DCT: variants seen among roughly 807,000 people sequenced by gnomAD.
The protein encoded by DCT is dopachrome tautomerase, also known as L-dopachrome tautomerase.
Under a neutral mutation model 53.0 loss-of-function variants are expected in DCT, and 47 were observed. That is an observed-to-expected ratio of 0.89 (90% CI 0.70 to 1.13). The LOEUF is 1.13. Among genes scored for constraint, DCT ranks in the 50% most tolerant of loss-of-function variants. DCT has a pLI of 0.00. For synonymous variants in DCT, 244 were observed against 237.0 expected (o/e 1.03, Z -0.27); for missense variants, 669 against 637.4 (o/e 1.05, Z -0.53).
At chr13:94,495,185 CT>C in the DCT span, among the ~76,000 whole-genome samples, 6,332 of 152,286 alleles carry the variant, frequency 0.042, 167 homozygotes, top group South Asian at 0.1. Context: ...CAACCTCTGC[CT>C]GCCAGGCTCA....
chr13:94,470,458 T>C (rs1027915126), intron 1 of DCT, among the ~76,000 whole-genome samples: 11 of 152,252 alleles, frequency 7.2e-5, no homozygotes, highest in Non-Finnish European at 1.3e-4. Context: ...TTCCAACTTA[T>C]TGCCTTTGGG....
At chr13:94,495,614 AAAG>A in the DCT span, among the ~76,000 whole-genome samples, 2 of 152,238 alleles carry the variant, frequency 1.3e-5, no homozygotes, top group African/African-American at 4.8e-5. Flanking sequence ...TTCAAAGAGA[AAAG>A]AAGAATATAA....
chr13:94,457,985 A>C (rs998061772), intron 6 of DCT, among the ~76,000 whole-genome samples: 1 of 152,164 alleles, frequency 6.6e-6, no homozygotes. Flanking sequence ...AGACAAGGCC[A>C]CTCTGTGACC....
chr13:94,516,460 A>T, the DCT span, among the ~76,000 whole-genome samples: 4 of 152,150 alleles, frequency 2.6e-5, no homozygotes, highest in Non-Finnish European at 5.9e-5. Context: ...CTCATTTGCA[A>T]TGGGGGAAAA....
chr13:94,523,144 C>G, the DCT span, among the ~76,000 whole-genome samples: 1 of 152,224 alleles, frequency 6.6e-6, no homozygotes, highest in African/African-American at 2.4e-5. Context: ...GCAAATCAAC[C>G]ATTCCTTTGT....
At chr13:94,485,783 C>G in the DCT span, among the ~76,000 whole-genome samples, 1 of 152,026 alleles carries the variant, frequency 6.6e-6, no homozygotes, top group African/African-American at 2.4e-5. Context: ...ATTATTTAGC[C>G]AAGAGAATTG....
At chr13:94,461,379 TA>T (rs1211362670) in intron 5 of DCT, among the ~76,000 whole-genome samples, 2 of 152,160 alleles carry the variant, frequency 1.3e-5, no homozygotes, top group Admixed American at 6.6e-5. Context: ...GCTACTTTTT[TA>T]TATTTTTTTG....
At chr13:94,484,611 G>A (rs1389106433), upstream of DCT, among the ~76,000 whole-genome samples, 3 of 152,284 alleles carry the variant, frequency 2.0e-5, no homozygotes, top group East Asian at 1.9e-4. Flanking sequence ...GGTTGGATTC[G>A]TCTGTCAAGG....
the DCT span, among the ~76,000 whole-genome samples, chr13:94,504,358 GTTGT>G: frequency 5.3e-5 from 8 of 152,062 alleles, no homozygotes; most frequent in Non-Finnish European, 1.0e-4. Context: ...TAGTTTTTTT[GTTGT>G]TTGTTTGTTT....
the DCT span, among the ~76,000 whole-genome samples, chr13:94,500,594 C>A: frequency 6.6e-6 from 1 of 152,326 alleles, no homozygotes; most frequent in East Asian, 1.9e-4. Context: ...TGAGATCATG[C>A]AGATTTTGTC....
At chr13:94,442,650 T>C (rs1882410661) in intron 7 of DCT, among the ~76,000 whole-genome samples, 2 of 152,170 alleles carry the variant, frequency 1.3e-5, no homozygotes, top group African/African-American at 4.8e-5. Context: ...TAATAAGAAA[T>C]CTACAATCTT....
chr13:94,501,982 T>C, the DCT span, among the ~76,000 whole-genome samples: 1,684 of 150,080 alleles, frequency 0.011, 38 homozygotes, highest in African/African-American at 0.038. Flanking sequence ...CCTCAGCCCC[T>C]ACTTCTGAGG....
At position 94,462,183 on chromosome 13, in the gene DCT, A is replaced by T. The variant is rs1432191971; in HGVS notation, c.870T>A (p.Asp290Glu). 6.2e-7 allele frequency: 1 copy of T among 1,611,108 alleles called. No individual in the cohort carries two copies. The highest frequency in any genetic ancestry group is 8.5e-7 in the Non-Finnish European group (1 of 1,177,456). ...ACAAGGTGACCAGGTGGTTGTAGTC[A>T]TCCAAGCTAAGATTTGTAATAAGAT... ...SSWETVCDSL[D>E]DYNHLVTLCN... Residue 290 changes from aspartate to glutamate, a missense_variant, in exon 5 of 8, where the codon GAT becomes GAA. Coordinates refer to ENST00000377028, the MANE Select transcript of DCT (RefSeq NM_001922.5).
At chr13:94,516,767 T>A in the DCT span, among the ~76,000 whole-genome samples, 5 of 151,970 alleles carry the variant, frequency 3.3e-5, no homozygotes, top group East Asian at 9.7e-4. Context: ...GCCTCTGCAG[T>A]GAGTTCCCAC....
rs962683811 is a variant in DCT at position 94,475,256 on chromosome 13, C to T, written c.295+3705G>A. On this transcript the variant is annotated intron_variant, in intron 1 of 7. Coordinates refer to ENST00000377028, the MANE Select transcript of DCT (RefSeq NM_001922.5). ...AGCTCAGTCACTAAGGACTTAGTCT[C>T]GTGCCCTGAGATTCAAAGAAAAAGA... Among the ~76,000 whole-genome samples, 9 of 152,252 alleles carry T rather than the reference C, an allele frequency of 5.9e-5. No homozygotes were observed. In the South Asian group the frequency reaches 8.3e-4, roughly 14 times the overall value.
chr13:94,463,856 G>A (rs1411247093), intron 4 of DCT, among the ~76,000 whole-genome samples: 1 of 152,162 alleles, frequency 6.6e-6, no homozygotes, highest in African/African-American at 2.4e-5. Context: ...GGTCTCCAAG[G>A]CCTCCCAGGC....
intron 5 of DCT, among the ~76,000 whole-genome samples, chr13:94,461,616 C>G (rs1458716600): frequency 6.6e-6 from 1 of 152,092 alleles, no homozygotes; most frequent in Admixed American, 6.6e-5. Context: ...GATCTCAGAC[C>G]TCACTATTAA....
At chr13:94,452,771 A>G (rs1883180092) in intron 6 of DCT, 2 of 533,446 alleles carry the variant, frequency 3.7e-6, no homozygotes, top group African/African-American at 4.0e-5. Context: ...TAAAAAAAGA[A>G]TAAGAATGCC....
the DCT span, among the ~76,000 whole-genome samples, chr13:94,496,961 A>G: frequency 5.9e-5 from 9 of 152,224 alleles, no homozygotes; most frequent in Admixed American, 1.3e-4. Flanking sequence ...GAACACGTTA[A>G]GAGTTGAACT....
Sources: allele counts gnomAD v4.1 joint callset (sites outside exome capture counted in the v4.1 genomes callset), GRCh38; gene constraint gnomAD v4.1.1; transcripts MANE v1.5; gene names NCBI Gene and HGNC (gene_info 2026-07-23, HGNC 2026-07-21).